CTBP2: variants seen among roughly 807,000 people sequenced by gnomAD.
The protein encoded by CTBP2 is C-terminal binding protein 2.
CTBP2 carries 30 observed loss-of-function variants against 80.3 expected under a neutral mutation model. That is an observed-to-expected ratio of 0.37 (90% CI 0.28 to 0.51). CTBP2 has a LOEUF of 0.51. Among genes scored for constraint, CTBP2 ranks in the 20% least tolerant of loss-of-function variants. The pLI, the probability that CTBP2 is intolerant of heterozygous loss-of-function variation, is 0.93. For synonymous variants in CTBP2, 594 were observed against 587.4 expected, an observed-to-expected ratio of 1.01 and a Z score of -0.16; for missense variants, 1,212 against 1,375.3, an observed-to-expected ratio of 0.88 and a Z score of 1.88.
intron 2 of CTBP2, among the ~76,000 whole-genome samples, 181 bp from the exon 3 acceptor site, chr10:125,039,336 GCTT>G (rs1959177414): frequency 6.6e-6 from 1 of 152,340 alleles, no homozygotes; most frequent in East Asian, 1.9e-4. Flanking sequence ...GCCGCCTCCT[GCTT>G]CTTATCTCAT....
Position 125,002,947 on chromosome 10 carries a change from G to T in CTBP2, c.1978+13C>A, listed in dbSNP as rs1300583706. On this transcript the variant is annotated intron_variant, in intron 3 of 8. Coordinates refer to ENST00000309035, the MANE Select transcript of CTBP2 (RefSeq NM_022802.3). ...CGGACAACTCCAGGCAGCCAGCGCTGCCTCGCACTCACCGAGCTCGCCGGC... is the reference window on the plus strand; with the variant it reads ...CGGACAACTCCAGGCAGCCAGCGCTTCCTCGCACTCACCGAGCTCGCCGGC... 2 of 1,611,904 alleles carry T rather than the reference G, an allele frequency of 1.2e-6. No individual in the cohort carries two copies. Among genetic ancestry groups the T allele is most frequent in the South Asian group, 1.1e-5 (1 of 91,012 alleles).
intron 2 of CTBP2, among the ~76,000 whole-genome samples, chr10:125,095,928 C>T (rs893971815): frequency 6.6e-6 from 1 of 152,138 alleles, no homozygotes; most frequent in African/African-American, 2.4e-5. Flanking sequence ...GAGTCCTTGC[C>T]TCTGCCAGGA....
At position 124,987,863 on chromosome 10, in the gene CTBP2, AGGTT is replaced by A; in HGVS notation, c.*1651_*1654del. The A allele has an allele frequency of 6.6e-6, 1 of 152,348 alleles. No individual in the cohort carries two copies. Among genetic ancestry groups the A allele is most frequent in the South Asian group, 2.1e-4 (1 of 4,830 alleles). 9.4% of individuals were successfully genotyped at this position (152,348 alleles called of 1,614,324 possible). On this transcript the variant is annotated 3_prime_UTR_variant, in exon 9 of 9. Transcript: ENST00000309035. Reference sequence around the variant, plus strand: ...ACACTTGCAAATACTTTTAGTATAAAGGTTTAATTCTATTTAAAAAGAAGATCCA... The same window carrying A: ...ACACTTGCAAATACTTTTAGTATAAATAATTCTATTTAAAAAGAAGATCCA...
upstream of CTBP2, among the ~76,000 whole-genome samples, chr10:125,030,128 A>C (rs564539692): frequency 7.8e-6 from 1 of 128,148 alleles, no homozygotes; most frequent in Non-Finnish European, 1.6e-5. Context: ...TTTTCCAAAC[A>C]CTCTGGTTAC....
chr10:125,117,138 C>G (rs1006162690), intron 1 of CTBP2, among the ~76,000 whole-genome samples: 10 of 152,170 alleles, frequency 6.6e-5, no homozygotes, highest in Admixed American at 6.5e-5. Flanking sequence ...ACATCCCGCT[C>G]CCTGGCCTTC....
At chr10:125,097,342 T>C (rs1307074211) in intron 2 of CTBP2, among the ~76,000 whole-genome samples, 3 of 152,212 alleles carry the variant, frequency 2.0e-5, no homozygotes, top group African/African-American at 7.2e-5. Flanking sequence ...CTGCTCCTAC[T>C]CATCAACCTG....
At chr10:125,080,520 G>C (rs1847022961) in intron 2 of CTBP2, among the ~76,000 whole-genome samples, 1 of 152,216 alleles carries the variant, frequency 6.6e-6, no homozygotes. Flanking sequence ...GCTGCCACCT[G>C]TGCCATCTTG....
Position 125,036,668 on chromosome 10 carries a change from G to GGTGTGTGTGT in CTBP2, c.58+2319_58+2328dup, listed in dbSNP as rs59284647. Reference sequence around the variant, plus strand: ...ATGGTGAGAATTCAAAGCTAGAGGGGGTGTGTGTGTGTGTGTGTGTGTGTG... The same window carrying GGTGTGTGTGT: ...ATGGTGAGAATTCAAAGCTAGAGGGGGTGTGTGTGTGTGTGTGTGTGTGTGTGTGTGTGTG... On this transcript the variant is annotated intron_variant, in intron 3 of 10. Transcript: ENST00000337195. Among the ~76,000 whole-genome samples, 20 of 119,274 alleles carry GGTGTGTGTGT rather than the reference G, an allele frequency of 1.7e-4. 1 individual carries two copies. Among genetic ancestry groups the GGTGTGTGTGT allele is most frequent in the African/African-American group, 4.9e-4 (13 of 26,520 alleles). 78.2% of individuals were successfully genotyped at this position (119,274 alleles called of 152,430 possible).
chr10:125,080,788 T>C (rs955518663), intron 2 of CTBP2, among the ~76,000 whole-genome samples: 3 of 152,132 alleles, frequency 2.0e-5, no homozygotes, highest in Admixed American at 6.6e-5. Context: ...TCTTCTGACC[T>C]GATAGGAGTC....
intron 2 of CTBP2, among the ~76,000 whole-genome samples, chr10:125,052,661 ACG>A (rs959521249): frequency 2.0e-5 from 3 of 152,182 alleles, no homozygotes; most frequent in Admixed American, 6.5e-5. Flanking sequence ...CCAGCAGCAA[ACG>A]GATGGTGATT....
At chr10:124,994,345 C>A in intron 5 of CTBP2, 124 bp downstream of exon 7, 2 of 944,684 alleles carry the variant, frequency 2.1e-6, no homozygotes, top group East Asian at 2.6e-5. Context: ...TGTTGCAGGG[C>A]CTCTTCCCTG....
chr10:125,002,249 C>T (rs1159576824), intron 3 of CTBP2, among the ~76,000 whole-genome samples: 3 of 152,224 alleles, frequency 2.0e-5, no homozygotes, highest in Non-Finnish European at 4.4e-5. Context: ...CTCCCGAGGA[C>T]GCTCGATGCC....
At chr10:125,139,455 T>G (rs1009305926) in intron 1 of CTBP2, among the ~76,000 whole-genome samples, 3 of 151,810 alleles carry the variant, frequency 2.0e-5, no homozygotes, top group African/African-American at 7.3e-5. Context: ...TATTCTTGAA[T>G]GAGGGCAGAG....
chr10:125,123,350 C>T (rs935208280), intron 1 of CTBP2, among the ~76,000 whole-genome samples: 17 of 152,152 alleles, frequency 1.1e-4, no homozygotes, highest in Admixed American at 2.6e-4. Flanking sequence ...ATTCTATCCA[C>T]GTCAATTTCT....
At chr10:125,116,278 C>T (rs1325172220) in intron 1 of CTBP2, among the ~76,000 whole-genome samples, 1 of 152,182 alleles carries the variant, frequency 6.6e-6, no homozygotes, top group Non-Finnish European at 1.5e-5. Context: ...GTGTGCAGGT[C>T]ACAGTGCCCC....
chr10:125,062,348 G>A (rs889552185), intron 2 of CTBP2, among the ~76,000 whole-genome samples: 36 of 152,338 alleles, frequency 2.4e-4, no homozygotes, highest in Non-Finnish European at 8.8e-5. Context: ...ACTGTATAAT[G>A]GCCTAGTAGG....
At position 125,027,264 on chromosome 10, in the gene CTBP2, G is replaced by C. The variant is rs764919028; in HGVS notation, c.496C>G (p.Arg166Gly). 1.2e-6 allele frequency: 2 copies of C among 1,613,696 alleles called. No individual in the cohort carries two copies. The highest frequency in any genetic ancestry group is 4.5e-5 in the East Asian group (2 of 44,860). ...GGGATCATTTTACCTCCAGGATCCC[G>C]GTACAGGTGACCGGCGTCCTGCAGG... Residue 166 changes from arginine to glycine, a missense_variant, in exon 1 of 9, where the codon CGG (arginine) becomes GGG (glycine). Arg to Gly is a moderately radical substitution (Grantham distance 125, BLOSUM62 -2). Around this residue, in one of 3 missense-constraint regions of CTBP2, gnomAD observed 848 missense variants for 782.3 expected, o/e 1.08. Transcript: ENST00000309035.
At chr10:125,138,257 C>T (rs1346611670) in intron 1 of CTBP2, 3 of 152,124 alleles carry the variant, frequency 2.0e-5, no homozygotes, top group African/African-American at 7.2e-5. Flanking sequence ...TGGTCAAGTG[C>T]ACTCATCCTG....
At chr10:125,037,585 A>T (rs543354088) in intron 3 of CTBP2, among the ~76,000 whole-genome samples, 1 of 152,366 alleles carries the variant, frequency 6.6e-6, no homozygotes, top group East Asian at 1.9e-4. Context: ...AAGTCAAAAA[A>T]GCCCAGGGGA....
Sources: gnomAD v4.1 joint callset for allele counts (sites outside exome capture counted in the v4.1 genomes callset) on GRCh38, gnomAD v4.1.1 for gene constraint, gnomAD v4.1.1 regional missense constraint, MANE v1.5 for transcripts, NCBI Gene and HGNC (gene_info 2026-07-23, HGNC 2026-07-21) for gene names.